The following CSTF3 variants were observed in gnomAD, a reference collection of about 807,000 sequenced individuals.
CSTF3 encodes CF-1 77 kDa subunit.
A neutral mutation model predicts 105.8 loss-of-function variants in CSTF3; 29 were observed. The observed-to-expected ratio is 0.27, with a 90% CI of 0.20 to 0.37. The LOEUF (loss-of-function observed/expected upper bound fraction) is 0.37. CSTF3 is among the 10% of genes least tolerant of loss of function. The pLI, the probability that CSTF3 is intolerant of heterozygous loss-of-function variation, is 1.00. For synonymous variants in CSTF3, 252 were observed against 281.9 expected, an observed-to-expected ratio of 0.89 and a Z score of 1.06; for missense variants, 357 against 879.3, an observed-to-expected ratio of 0.41 and a Z score of 7.51.
chr11:33,111,320 A>G lies in CSTF3; in HGVS notation c.226-2902T>C, dbSNP rs547777256. On this transcript the variant is annotated intron_variant, in intron 3 of 20. Coordinates refer to ENST00000323959, the MANE Select transcript of CSTF3 (RefSeq NM_001326.3). The stretch of plus-strand genomic sequence containing the variant: ...TAGTAGCAAAAACAGTTTAAAAATC[A>G]AATGTCCACCAGTGGGGAAATAGTT... Among the ~76,000 whole-genome samples, 30 of 152,356 alleles carry G rather than the reference A, an allele frequency of 2.0e-4. No individual in the cohort carries two copies. In the South Asian group the frequency reaches 6.2e-3, roughly 32 times the overall value.
chr11:33,144,840 T>G (rs1855760842), intron 1 of CSTF3: 1 of 187,584 alleles, frequency 5.3e-6, no homozygotes. Flanking sequence ...ATTAGCCAGG[T>G]GTGTGCCACA....
chr11:33,097,376 G>GTT (rs559195635), intron 13 of CSTF3, among the ~76,000 whole-genome samples: 8 of 148,646 alleles, frequency 5.4e-5, no homozygotes, highest in African/African-American at 2.0e-4. Context: ...TACAATACAT[G>GTT]TTTTTTTTTT....
intron 3 of CSTF3, among the ~76,000 whole-genome samples, chr11:33,122,637 G>A (rs147048647): frequency 1.6e-4 from 24 of 152,118 alleles, no homozygotes; most frequent in Non-Finnish European, 3.2e-4. Context: ...AATATAGGCC[G>A]AGCATGGTGG....
intron 3 of CSTF3, among the ~76,000 whole-genome samples, chr11:33,120,944 T>C (rs1050367821): frequency 6.6e-6 from 1 of 152,048 alleles, no homozygotes; most frequent in Non-Finnish European, 1.5e-5. Flanking sequence ...CTAAGTATAA[T>C]ACTATCAGTA....
intron 8 of CSTF3, 139 bp downstream of exon 8, chr11:33,105,427 CA>C: frequency 1.2e-6 from 1 of 802,668 alleles, no homozygotes; most frequent in Non-Finnish European, 1.9e-6. Flanking sequence ...TCAAACCTTG[CA>C]AAAACATTAT....
intron 3 of CSTF3, among the ~76,000 whole-genome samples, chr11:33,119,330 T>C (rs990393772): frequency 2.5e-4 from 38 of 151,862 alleles, no homozygotes; most frequent in African/African-American, 9.2e-4. Flanking sequence ...TGTCATCCAA[T>C]GAATTCACAT....
chr11:33,154,235 C>A (rs1849826033), intron 1 of CSTF3, among the ~76,000 whole-genome samples: 1 of 152,056 alleles, frequency 6.6e-6, no homozygotes, highest in African/African-American at 2.4e-5. Context: ...TATAACGCAC[C>A]TAATTATGAC....
In CSTF3 at chr11:33,148,694, C is replaced by CAA. The variant is rs368373668; in HGVS notation, c.28-6710_28-6709dup. ...CTGGGTGACAGAGGAGACTCCATCT[C>CAA]AAAAAAAAAAAAAACTATGCTCTCT... is the stretch of plus-strand genomic sequence containing the variant. On this transcript the variant is annotated intron_variant, in intron 1 of 20. Transcript: ENST00000323959. Among the ~76,000 whole-genome samples the CAA allele has an allele frequency of 1.6e-3, 221 of 137,554 alleles. 4 individuals are homozygous for CAA. In the East Asian group the frequency reaches 0.02, roughly 13 times the overall value. The allele number at this position is 137,554 out of a possible 152,430, so 90.2% of individuals were successfully genotyped here.
At chr11:33,157,458 G>T (rs1168223096) in intron 1 of CSTF3, among the ~76,000 whole-genome samples, 3 of 152,076 alleles carry the variant, frequency 2.0e-5, no homozygotes, top group Non-Finnish European at 4.4e-5. Context: ...AAACCTATAT[G>T]CAAATAGTTT....
chr11:33,117,119 A>G (rs1855438331), intron 3 of CSTF3, among the ~76,000 whole-genome samples: 1 of 152,064 alleles, frequency 6.6e-6, no homozygotes, highest in Non-Finnish European at 1.5e-5. Context: ...AACTTTTCTT[A>G]TAAATATGTA....
At position 33,109,999 on chromosome 11, in the gene CSTF3, A is replaced by G. The variant is rs986657877; in HGVS notation, c.226-1581T>C. ...GCCTATTACTGTATTTGGTTCATACATAACGGTTTTAGACTCCAGAGTTTT... is the reference window on the plus strand; with the variant it reads ...GCCTATTACTGTATTTGGTTCATACGTAACGGTTTTAGACTCCAGAGTTTT... On this transcript the variant is annotated intron_variant, in intron 3 of 20. Transcript: ENST00000323959. 9.8e-5 allele frequency among the ~76,000 whole-genome samples: 15 copies of G among 152,336 alleles called. 1 individual carries two copies. The South Asian group carries it at 1.2e-3, about 13-fold the overall frequency.
At chr11:33,096,045 C>G (rs1012922933) in intron 15 of CSTF3, among the ~76,000 whole-genome samples, 2 of 152,106 alleles carry the variant, frequency 1.3e-5, no homozygotes, top group Non-Finnish European at 2.9e-5. Context: ...AACTCTGTGT[C>G]TCCTGACTCT....
intron 1 of CSTF3, 43 bp downstream of exon 1, chr11:33,161,256 G>C (rs201834767): frequency 1.6e-4 from 261 of 1,610,164 alleles, no homozygotes; most frequent in Non-Finnish European, 1.4e-4. Flanking sequence ...GAACAGACGT[G>C]GAGAAGAGGT....
At chr11:33,157,212 G>A (rs1024882772) in intron 1 of CSTF3, among the ~76,000 whole-genome samples, 1 of 152,052 alleles carries the variant, frequency 6.6e-6, no homozygotes, top group African/African-American at 2.4e-5. Context: ...AAAATTAGCC[G>A]GGCATTGTGG....
At chr11:33,156,277 T>C (rs574511409) in intron 1 of CSTF3, among the ~76,000 whole-genome samples, 6 of 152,248 alleles carry the variant, frequency 3.9e-5, no homozygotes, top group South Asian at 4.1e-4. Context: ...AAAAAACACA[T>C]TGTCCAACAC....
intron 15 of CSTF3, among the ~76,000 whole-genome samples, chr11:33,093,013 G>C (rs1855184582): frequency 6.6e-6 from 1 of 152,122 alleles, no homozygotes; most frequent in South Asian, 2.1e-4. Context: ...AACAACCATT[G>C]AATCTACTAC....
intron 3 of CSTF3, chr11:33,134,436 T>C (rs1053384042): frequency 1.1e-4 from 17 of 152,156 alleles, no homozygotes; most frequent in African/African-American, 3.9e-4. Flanking sequence ...TCATACACGA[T>C]AGCCAAAACC....
rs555681844 is a variant in CSTF3, at chr11:33,099,081, A to G, written c.1006T>C (p.Leu336=). The change falls in exon 12 of 21, where the codon TTG becomes CTG. Residue 336 remains leucine (L), a synonymous_variant. Transcript: ENST00000323959. The surrounding 1 kb of genome is among the most constrained non-coding windows in gnomAD (Gnocchi z 4.1). ...AAATAAAGAAGCATATTCTTCTTCA[A>G]TAAAGTGCTTATGGCTCTTTCATAT... ...NIYERAISTL[L]KKNMLLYFAY... 1.1e-5 allele frequency: 18 copies of G among 1,583,960 alleles called. No homozygotes were observed. The highest frequency in any genetic ancestry group is 2.3e-5 in the East Asian group (1 of 43,738).
At chr11:33,120,015 A>C (rs1453667727) in intron 3 of CSTF3, among the ~76,000 whole-genome samples, 2 of 151,842 alleles carry the variant, frequency 1.3e-5, no homozygotes, top group Non-Finnish European at 3.0e-5. Flanking sequence ...AGCTCAATTC[A>C]AAAGATCACA....
Sources: gnomAD v4.1 joint callset for allele counts (sites outside exome capture counted in the v4.1 genomes callset) on GRCh38, gnomAD v4.1.1 for gene constraint, Gnocchi (gnomAD v3.1) non-coding constraint, MANE v1.5 for transcripts, NCBI Gene and HGNC (gene_info 2026-07-23, HGNC 2026-07-21) for gene names.